GNAQ: variants seen among roughly 807,000 people sequenced by gnomAD.
The protein encoded by GNAQ is G protein subunit alpha q.
Under a neutral mutation model 43.9 loss-of-function variants are expected in GNAQ, and 8 were observed. That is an observed-to-expected ratio of 0.18 (90% CI 0.11 to 0.33). The LOEUF (loss-of-function observed/expected upper bound fraction) is 0.33, where lower values mean the gene tolerates loss of function less well. GNAQ is among the 10% of genes least tolerant of loss of function. The pLI is 1.00. For missense variants in GNAQ, 158 were observed against 450.8 expected, an observed-to-expected ratio of 0.35 and a Z score of 5.88; for synonymous variants, 155 against 170.7, an observed-to-expected ratio of 0.91 and a Z score of 0.71.
chr9:77,989,703 GA>G (rs1234760083), intron 1 of GNAQ, among the ~76,000 whole-genome samples: 14 of 152,198 alleles, frequency 9.2e-5, no homozygotes, highest in African/African-American at 3.4e-4. Flanking sequence ...CCTACCACTG[GA>G]CTGCTCCATA....
intron 2 of GNAQ, among the ~76,000 whole-genome samples, chr9:77,840,580 G>A (rs758193470): frequency 9.9e-5 from 15 of 152,076 alleles, no homozygotes; most frequent in Non-Finnish European, 1.6e-4. Context: ...CAGGTGAACC[G>A]TTTGCCTCGG....
At chr9:77,742,519 A>C (rs1051131872) in intron 5 of GNAQ, among the ~76,000 whole-genome samples, 1 of 152,136 alleles carries the variant, frequency 6.6e-6, no homozygotes, top group Non-Finnish European at 1.5e-5. Context: ...ATTTTAAATA[A>C]AGTGTTTTAA....
intron 2 of GNAQ, among the ~76,000 whole-genome samples, chr9:77,816,929 A>G (rs2118514126): frequency 1.3e-5 from 2 of 152,312 alleles, no homozygotes; most frequent in Middle Eastern, 6.8e-3. Flanking sequence ...GGTTTTAGGA[A>G]GCTCAACACA....
At chr9:77,968,080 T>C (rs1037190182) in intron 1 of GNAQ, among the ~76,000 whole-genome samples, 1 of 152,232 alleles carries the variant, frequency 6.6e-6, no homozygotes, top group Non-Finnish European at 1.5e-5. Context: ...GTTGCACAAC[T>C]CTGCGAGTAT....
At chr9:77,863,170 G>A (rs546496803) in intron 2 of GNAQ, among the ~76,000 whole-genome samples, 428 of 150,498 alleles carry the variant, frequency 2.8e-3, no homozygotes, top group Non-Finnish European at 4.7e-3. Context: ...ATGAAACTCC[G>A]TATGAAAGAA....
chr9:77,852,794 C>T lies in GNAQ; in HGVS notation c.322-37024G>A, dbSNP rs117429672. On this transcript the variant is annotated intron_variant, in intron 2 of 6. Coordinates refer to ENST00000286548, the MANE Select transcript of GNAQ (RefSeq NM_002072.5). ...TCATATTTACAGTTATATCCATGGC[C>T]TATTATTTATAATTATACTGTCTGT... Among the ~76,000 whole-genome samples, 303 of 152,284 alleles carry T rather than the reference C, an allele frequency of 2.0e-3. 1 individual carries two copies. The highest frequency in any genetic ancestry group is 3.6e-3 in the Non-Finnish European group (242 of 68,030).
At chr9:77,975,680 C>T (rs1823292160) in intron 1 of GNAQ, among the ~76,000 whole-genome samples, 1 of 151,862 alleles carries the variant, frequency 6.6e-6, no homozygotes, top group Admixed American at 6.6e-5. Context: ...GTTGGGATTA[C>T]ACGCGCACAC....
intron 1 of GNAQ, among the ~76,000 whole-genome samples, chr9:77,941,878 C>T (rs1026303646): frequency 2.0e-5 from 3 of 149,648 alleles, no homozygotes; most frequent in East Asian, 2.0e-4. Context: ...TACCAGTTCT[C>T]GAAAATGTGC....
intron 1 of GNAQ, among the ~76,000 whole-genome samples, chr9:77,974,205 C>G (rs1044767446): frequency 6.6e-6 from 1 of 152,100 alleles, no homozygotes; most frequent in Non-Finnish European, 1.5e-5. Context: ...AGCAAGTAAG[C>G]TGGAGCTGAG....
intron 1 of GNAQ, among the ~76,000 whole-genome samples, chr9:77,936,836 C>G (rs1033826431): frequency 3.9e-5 from 6 of 152,108 alleles, no homozygotes; most frequent in African/African-American, 1.4e-4. Context: ...AGTATACTCA[C>G]CATCAACTTT....
rs569454524 is a variant in GNAQ, at chr9:77,741,055, A to C, written c.736-12388T>G. On this transcript the variant is annotated intron_variant, in intron 5 of 6. Transcript: ENST00000286548. ...CAAGTAATTTTCATGTGTCATAAAA[A>C]TTCTTACTTTGATTTTTTTCAACCA... is the stretch of plus-strand genomic sequence containing the variant. Among the ~76,000 whole-genome samples, 3 of 152,360 alleles carry C rather than the reference A, an allele frequency of 2.0e-5. No homozygotes were observed. The South Asian group carries it at 6.2e-4, about 32-fold the overall frequency.
At chr9:77,938,718 G>A (rs1374678748) in intron 1 of GNAQ, among the ~76,000 whole-genome samples, 1 of 152,210 alleles carries the variant, frequency 6.6e-6, no homozygotes, top group Non-Finnish European at 1.5e-5. Context: ...AGGTCCAGAA[G>A]GAAAACTGGT....
At chr9:77,989,591 G>A (rs1823483909) in intron 1 of GNAQ, among the ~76,000 whole-genome samples, 1 of 152,230 alleles carries the variant, frequency 6.6e-6, no homozygotes, top group South Asian at 2.1e-4. Flanking sequence ...GCTGCATATG[G>A]CTGTGGAGCT....
chr9:77,816,070 A>G (rs1827009074), intron 2 of GNAQ, among the ~76,000 whole-genome samples: 1 of 152,164 alleles, frequency 6.6e-6, no homozygotes, highest in Non-Finnish European at 1.5e-5. Flanking sequence ...ACATACCACT[A>G]TTTTCACATA....
At chr9:77,823,242 A>C (rs190629305) in intron 2 of GNAQ, among the ~76,000 whole-genome samples, 27 of 152,240 alleles carry the variant, frequency 1.8e-4, no homozygotes, top group Non-Finnish European at 2.9e-5. Context: ...CCTGGCCTAG[A>C]ATTTAAGTAG....
chr9:77,873,005 T>C (rs958708025), intron 2 of GNAQ, among the ~76,000 whole-genome samples: 1 of 152,120 alleles, frequency 6.6e-6, no homozygotes, highest in Non-Finnish European at 1.5e-5. Flanking sequence ...ACAAAGACAC[T>C]AGAGGGAAGG....
intron 6 of GNAQ, among the ~76,000 whole-genome samples, chr9:77,722,272 G>T (rs929106108): frequency 6.6e-6 from 1 of 151,186 alleles, no homozygotes; most frequent in Non-Finnish European, 1.5e-5. Context: ...GAGCAGCTGG[G>T]ATTACTGGTG....
chr9:77,975,961 G>A (rs898272279), intron 1 of GNAQ, among the ~76,000 whole-genome samples: 6 of 152,220 alleles, frequency 3.9e-5, no homozygotes, highest in Middle Eastern at 3.4e-3. Flanking sequence ...TTCTGATCCT[G>A]GCATCGGGAA....
chr9:77,948,650 T>C (rs74432459), intron 1 of GNAQ, among the ~76,000 whole-genome samples: 1,679 of 152,284 alleles, frequency 0.011, 19 homozygotes, highest in Non-Finnish European at 0.017. Flanking sequence ...GAACATCCAT[T>C]ATTCGTTAGG....
Sources: gnomAD v4.1 joint callset for allele counts (sites outside exome capture counted in the v4.1 genomes callset) on GRCh38, gnomAD v4.1.1 for gene constraint, MANE v1.5 for transcripts, NCBI Gene and HGNC (gene_info 2026-07-23, HGNC 2026-07-21) for gene names.